CUL4A: variants seen among roughly 807,000 people sequenced by gnomAD.
The protein encoded by CUL4A is cullin-4A.
Under a neutral mutation model 95.5 loss-of-function variants are expected in CUL4A, and 16 were observed. That is an observed-to-expected ratio of 0.17 (90% CI 0.11 to 0.25). The LOEUF (loss-of-function observed/expected upper bound fraction) is 0.25, where lower values mean the gene tolerates loss of function less well. CUL4A is among the 10% of genes least tolerant of loss of function. The probability of loss-of-function intolerance (pLI) is 1.00; values close to 1 mark genes in which losing one functional copy is unlikely to be tolerated. For synonymous variants in CUL4A, 380 were observed against 353.1 expected (o/e 1.08, Z -0.85); for missense variants, 610 against 937.0 (o/e 0.65, Z 4.56).
chr13:113,226,951 G>A (rs1457489623), intron 3 of CUL4A, among the ~76,000 whole-genome samples: 1 of 152,214 alleles, frequency 6.6e-6, no homozygotes, highest in Non-Finnish European at 1.5e-5. Context: ...TGCCCTTTGT[G>A]AAGTGGGGCC....
rs1163049031 is a variant in CUL4A at position 113,209,730 on chromosome 13, G to T, written c.103G>T (p.Gly35Trp). The T allele has an allele frequency of 1.7e-6, 2 of 1,165,952 alleles. No homozygotes were observed. The highest frequency in any genetic ancestry group is 2.1e-6 in the Non-Finnish European group (2 of 945,862). 72.2% of individuals were successfully genotyped at this position (1,165,952 alleles called of 1,614,324 possible). A position where few individuals can be genotyped will look rare whatever the true frequency, so the allele number is the denominator to read the frequency against. ...CCTGGCCGCCGCGCCCGCCAAGCCG[G>T]GGGGCGCGGGCGGCTCCAAGAAGCT... is the stretch of plus-strand genomic sequence containing the variant. ...AALAAAPAKP[G>W]GAGGSKKLVI... is the part of the protein sequence containing the mutation. The change falls in exon 1 of 20, where the codon GGG (glycine) becomes TGG (tryptophan). Residue 35 changes from glycine to tryptophan, a missense_variant. Transcript: ENST00000375440.
intron 16 of CUL4A, among the ~76,000 whole-genome samples, chr13:113,253,988 T>G (rs1411892343): frequency 6.6e-6 from 1 of 152,186 alleles, no homozygotes; most frequent in African/African-American, 2.4e-5. Flanking sequence ...ATTCTCTTCC[T>G]TAAGGTATTA....
intron 15 of CUL4A, among the ~76,000 whole-genome samples, chr13:113,249,870 T>G (rs1198965666): frequency 6.6e-6 from 1 of 152,220 alleles, no homozygotes; most frequent in Non-Finnish European, 1.5e-5. Flanking sequence ...TTTCATGTCC[T>G]GATTGACCAT....
rs970617305 is a variant in CUL4A, at chr13:113,244,856, A to G, written c.1334-93A>G. 4 of 794,870 alleles carry G rather than the reference A, an allele frequency of 5.0e-6. No individual in the cohort carries two copies. In the African/African-American group the frequency reaches 5.3e-5, roughly 11 times the overall value. The allele number at this position is 794,870 out of a possible 1,614,324, so 49.2% of individuals were successfully genotyped here. A position where few individuals can be genotyped will look rare whatever the true frequency, so the allele number is the denominator to read the frequency against. ...CTCTGTCTCAAAAAAAAAAAAAAAC[A>G]CTTTTAAGGGTTTTCAGCAGTTGAA... On this transcript the variant is annotated intron_variant, in intron 12 of 19. Coordinates refer to ENST00000375440, the MANE Select transcript of CUL4A (RefSeq NM_001008895.4).
intron 3 of CUL4A, among the ~76,000 whole-genome samples, chr13:113,220,186 A>C (rs911567944): frequency 2.0e-5 from 3 of 152,228 alleles, no homozygotes; most frequent in Admixed American, 6.5e-5. Context: ...AATCTGCAGC[A>C]GTTGGTGCTG....
chr13:113,233,303 G>C lies in CUL4A; in HGVS notation c.639G>C (p.Leu213=), dbSNP rs375628628. Residue 213 remains leucine, a synonymous_variant, in exon 6 of 20, where the codon CTG becomes CTC. Transcript: ENST00000375440. ...ERSGEAVDRS[L]LRSLLGMLSD... ...GCGGCGAGGCCGTGGACCGGAGCCT[G>C]TTGCGGAGCCTCCTGGGCATGCTGT... is the stretch of plus-strand genomic sequence containing the variant. The C allele has an allele frequency of 1.9e-6, 3 of 1,613,334 alleles. No homozygotes were observed. Among genetic ancestry groups the C allele is most frequent in the Non-Finnish European group, 2.5e-6 (3 of 1,179,920 alleles).
At chr13:113,245,384 A>G in intron 14 of CUL4A, 147 bp downstream of exon 14, 1 of 720,806 alleles carries the variant, frequency 1.4e-6, no homozygotes, top group Non-Finnish European at 2.3e-6. Flanking sequence ...CAACATAGCA[A>G]GACCCAGTCT....
At chr13:113,238,970 T>C (rs1375416604) in intron 9 of CUL4A, among the ~76,000 whole-genome samples, 1 of 152,282 alleles carries the variant, frequency 6.6e-6, no homozygotes, top group Non-Finnish European at 1.5e-5. Flanking sequence ...TTAAATGCTG[T>C]GTTAAACACT....
At chr13:113,245,759 GTC>G (rs2041840986) in intron 14 of CUL4A, among the ~76,000 whole-genome samples, 195 bp from the exon 15 acceptor site, 1 of 152,326 alleles carries the variant, frequency 6.6e-6, no homozygotes, top group African/African-American at 2.4e-5. Context: ...ATTTCAGTGA[GTC>G]TGGTGGTGAC....
At chr13:113,251,694 C>CT (rs923374408) in intron 15 of CUL4A, among the ~76,000 whole-genome samples, 1 of 152,158 alleles carries the variant, frequency 6.6e-6, no homozygotes, top group East Asian at 1.9e-4. Flanking sequence ...GACGTGCCTG[C>CT]TTTTTTCCCC....
chr13:113,258,578 T>G (rs925556515), intron 18 of CUL4A, among the ~76,000 whole-genome samples: 5 of 152,210 alleles, frequency 3.3e-5, no homozygotes, highest in Admixed American at 6.5e-5. Flanking sequence ...AACAAATACT[T>G]ATTGAGCATC....
chr13:113,251,930 C>T (rs1184038011), intron 15 of CUL4A, among the ~76,000 whole-genome samples: 1 of 152,172 alleles, frequency 6.6e-6, no homozygotes, highest in Non-Finnish European at 1.5e-5. Context: ...GAGGCCACGC[C>T]CTGGGCTGTG....
intron 3 of CUL4A, among the ~76,000 whole-genome samples, chr13:113,220,696 A>G (rs2040864295): frequency 6.6e-6 from 1 of 152,194 alleles, no homozygotes; most frequent in South Asian, 2.1e-4. Context: ...ACCTGATCAA[A>G]TGAATCTTTT....
chr13:113,263,078 TCGCTTATACG>T, intron 19 of CUL4A: 2 of 130,448 alleles, frequency 1.5e-5, no homozygotes, highest in Non-Finnish European at 3.2e-5. Context: ...CGGGTCTGCC[TCGCTTATACG>T]TGCCCTTGCT....
At chr13:113,235,300 T>G (rs1010088373) in intron 8 of CUL4A, among the ~76,000 whole-genome samples, 155 bp downstream of exon 8, 2 of 152,250 alleles carry the variant, frequency 1.3e-5, no homozygotes, top group Non-Finnish European at 2.9e-5. Flanking sequence ...TGTCATTATT[T>G]GGCATTCACA....
At chr13:113,232,079 C>CCCACCACCATTACTGTCACCACTACCT (rs1566343065) in intron 5 of CUL4A, among the ~76,000 whole-genome samples, 20 of 20,044 alleles carry the variant, frequency 1.0e-3, no homozygotes, top group East Asian at 3.9e-3. Context: ...CACCACTACC[C>CCCACCACCATTACTGTCACCACTACCT]GCCCACCACC....
chr13:113,229,099 A>T (rs1162741868), intron 4 of CUL4A, among the ~76,000 whole-genome samples: 2 of 152,230 alleles, frequency 1.3e-5, no homozygotes, highest in African/African-American at 4.8e-5. Flanking sequence ...AGCCTGGGCG[A>T]CAGAGCGAGA....
intron 7 of CUL4A, among the ~76,000 whole-genome samples, chr13:113,234,669 C>T (rs1345136846): frequency 1.3e-5 from 2 of 152,170 alleles, no homozygotes; most frequent in African/African-American, 2.4e-5. Flanking sequence ...TGAACAACCA[C>T]CTTGTTGACT....
upstream of CUL4A, chr13:113,209,549 CCGCGCGGACCGGGG>C: frequency 1.2e-6 from 1 of 851,316 alleles, no homozygotes; most frequent in East Asian, 1.3e-4. Context: ...GGGGCGGAGG[CCGCGCGGACCGGGG>C]CGGGCGGAGC....
Sources: gnomAD v4.1 joint callset for allele counts (sites outside exome capture counted in the v4.1 genomes callset) on GRCh38, gnomAD v4.1.1 for gene constraint, MANE v1.5 for transcripts, NCBI Gene and HGNC (gene_info 2026-07-23, HGNC 2026-07-21) for gene names.